The following KIF25 variants were observed in gnomAD, a reference collection of about 807,000 sequenced individuals.
KIF25 encodes the protein kinesin-like protein KIF25.
KIF25 carries 19 observed loss-of-function variants against 32.9 expected under a neutral mutation model. The ratio of observed to expected loss-of-function variants is 0.58; its 90% CI spans 0.40 to 0.85. The LOEUF is 0.85. KIF25 is among the 40% of genes least tolerant of loss of function. The pLI is 0.00. For synonymous variants in KIF25, 225 were observed against 213.7 expected (o/e 1.05, Z -0.46); for missense variants, 485 against 507.0 (o/e 0.96, Z 0.42).
intron 8 of KIF25, among the ~76,000 whole-genome samples, chr6:168,038,118 C>T (rs1799051576): frequency 6.6e-6 from 1 of 152,182 alleles, no homozygotes; most frequent in Non-Finnish European, 1.5e-5. Flanking sequence ...ACTGAAGCTT[C>T]CCTGAAGTGG....
At position 168,044,805 on chromosome 6, in the gene KIF25, ATGT is replaced by A. The variant is rs1562394722; in HGVS notation, c.986-17_986-15del. On this transcript the variant is annotated intron_variant, in intron 12 of 12. Coordinates refer to ENST00000643607, the MANE Select transcript of KIF25 (RefSeq NM_030615.4). Reference sequence around the variant, plus strand: ...GATGCTGCTCTTCTTTCCAGCTTGCATGTTGTTTTTCTATTTTAAAGGAGGCGA... The same window carrying A: ...GATGCTGCTCTTCTTTCCAGCTTGCATGTTTTTCTATTTTAAAGGAGGCGA... The A allele has an allele frequency of 1.9e-6, 3 of 1,563,008 alleles. No homozygotes were observed. Among genetic ancestry groups the A allele is most frequent in the South Asian group, 2.3e-5 (2 of 85,546 alleles).
chr6:168,013,096 G>A (rs567057906), intron 4 of KIF25, among the ~76,000 whole-genome samples: 1 of 152,140 alleles, frequency 6.6e-6, no homozygotes, highest in African/African-American at 2.4e-5. Context: ...GGGCAGGTGA[G>A]GAGCATGTCT....
intron 7 of KIF25, among the ~76,000 whole-genome samples, chr6:168,032,047 A>G (rs1391864175): frequency 1.3e-5 from 2 of 152,240 alleles, no homozygotes; most frequent in Non-Finnish European, 2.9e-5. Flanking sequence ...TATGGAGACT[A>G]AAGTTCTCAT....
At chr6:168,040,262 C>A (rs1454181930) in intron 10 of KIF25, 46 bp downstream of exon 10, 5 of 1,565,340 alleles carry the variant, frequency 3.2e-6, no homozygotes, top group South Asian at 1.2e-5. Context: ...ATAGAAAAAC[C>A]CACTTAAGAA....
intron 4 of KIF25, among the ~76,000 whole-genome samples, chr6:168,017,567 A>AT (rs1400494856): frequency 2.0e-5 from 3 of 152,052 alleles, no homozygotes; most frequent in East Asian, 1.9e-4. Flanking sequence ...CTGAGATGTG[A>AT]TTTTTTTGCC....
chr6:168,041,419 G>A (rs1001893934), intron 10 of KIF25, among the ~76,000 whole-genome samples: 8 of 152,186 alleles, frequency 5.3e-5, no homozygotes, highest in African/African-American at 1.7e-4. Context: ...ATACAGGGGC[G>A]GTGTGGCTGC....
intron 4 of KIF25, among the ~76,000 whole-genome samples, chr6:168,006,932 C>T (rs1798587752): frequency 1.3e-5 from 2 of 152,190 alleles, no homozygotes; most frequent in South Asian, 4.1e-4. Context: ...TAAAATTGCT[C>T]TTACTATGTC....
chr6:168,006,228 T>TGG (rs563918422), intron 4 of KIF25, among the ~76,000 whole-genome samples: 3 of 151,292 alleles, frequency 2.0e-5, no homozygotes, highest in Admixed American at 6.6e-5. Context: ...TTTTTAGCGA[T>TGG]GGGGGGGTCT....
chr6:168,044,693 C>T (rs905962795), intron 12 of KIF25, 134 bp from the exon 13 acceptor site: 16 of 866,346 alleles, frequency 1.8e-5, no homozygotes, highest in Middle Eastern at 3.7e-4. Flanking sequence ...ACCTGCCAGA[C>T]GTGGCCACTT....
At chr6:168,043,323 C>T (rs941993729) in intron 12 of KIF25, among the ~76,000 whole-genome samples, 4 of 152,166 alleles carry the variant, frequency 2.6e-5, no homozygotes, top group Non-Finnish European at 4.4e-5. Context: ...CAGGCAGAGT[C>T]CCCCAGAGGT....
In KIF25 at chr6:167,998,743, A is replaced by T. The variant is rs966241479; in HGVS notation, c.-726A>T. 1 of 152,202 alleles carries T rather than the reference A, an allele frequency of 6.6e-6. No individual in the cohort carries two copies. The highest frequency in any genetic ancestry group is 1.5e-5 in the Non-Finnish European group (1 of 68,042). The allele number at this position is 152,202 out of a possible 1,614,324, so 9.4% of individuals were successfully genotyped here. ...AAGTGAACACATTTGTGAAGTATGA[A>T]TCCAGAAGTTTAAAATAACTGTTCA... On this transcript the variant is annotated 5_prime_UTR_variant, in exon 1 of 13. Transcript: ENST00000643607.
chr6:168,038,137 T>C (rs541727210), intron 8 of KIF25, among the ~76,000 whole-genome samples: 1 of 152,318 alleles, frequency 6.6e-6, no homozygotes, highest in East Asian at 1.9e-4. Context: ...GGAAAAGTTT[T>C]AAAATAAACA....
At chr6:168,005,295 C>T (rs151036256) in intron 4 of KIF25, among the ~76,000 whole-genome samples, 20 of 152,220 alleles carry the variant, frequency 1.3e-4, no homozygotes, top group Admixed American at 2.6e-4. Context: ...GGCAGGTTGA[C>T]GGGGAAGAGC....
chr6:168,025,533 C>G (rs1583136817), intron 5 of KIF25, among the ~76,000 whole-genome samples: 2 of 152,036 alleles, frequency 1.3e-5, no homozygotes, highest in African/African-American at 2.4e-5. Context: ...GTGGTAGATA[C>G]ATTGTGGTAA....
rs1415377023 is a variant in KIF25 at position 168,031,693 on chromosome 6, GGCATCTTTTAAGTAA to G, written c.167+850_167+864del. Among the ~76,000 whole-genome samples the G allele has an allele frequency of 2.6e-5, 4 of 152,300 alleles. No individual in the cohort carries two copies. In the East Asian group the frequency reaches 7.7e-4, roughly 29 times the overall value. On this transcript the variant is annotated intron_variant, in intron 7 of 12. Coordinates refer to ENST00000643607, the MANE Select transcript of KIF25 (RefSeq NM_030615.4). Reference sequence around the variant, plus strand: ...TGATAGGGGAGTCTCTTTTTAAGTAGGCATCTTTTAAGTAAGCAGATTCCAGAAATAAAAAAGACA... The same window carrying G: ...TGATAGGGGAGTCTCTTTTTAAGTAGGCAGATTCCAGAAATAAAAAAGACA...
chr6:168,009,349 A>G (rs1182409414), intron 4 of KIF25, among the ~76,000 whole-genome samples: 1 of 151,946 alleles, frequency 6.6e-6, no homozygotes, highest in African/African-American at 2.4e-5. Context: ...TTTGTCCTTC[A>G]TTCTGTAGAT....
At chr6:168,042,276 G>A (rs1323812774) in intron 11 of KIF25, 125 bp downstream of exon 11, 41 of 1,043,544 alleles carry the variant, frequency 3.9e-5, no homozygotes, top group Non-Finnish European at 5.4e-5. Context: ...CCCTCCACAG[G>A]TGAGTTCCAA....
Position 168,025,231 on chromosome 6 carries a change from G to A in KIF25, c.-94-4261G>A, listed in dbSNP as rs115143989. Among the ~76,000 whole-genome samples the A allele has an allele frequency of 2.2e-3, 336 of 152,292 alleles. 1 individual carries two copies. Among genetic ancestry groups the A allele is most frequent in the African/African-American group, 7.9e-3 (328 of 41,566 alleles). On this transcript the variant is annotated intron_variant, in intron 5 of 12. Coordinates refer to ENST00000643607, the MANE Select transcript of KIF25 (RefSeq NM_030615.4). The stretch of plus-strand genomic sequence containing the variant: ...GGACGCTCACTGATGAAGGACCTGG[G>A]GGTGTGGCTGGGGAATGTCTCCTTC...
At chr6:168,014,611 A>C (rs1205170512) in intron 4 of KIF25, among the ~76,000 whole-genome samples, 1 of 152,202 alleles carries the variant, frequency 6.6e-6, no homozygotes, top group Non-Finnish European at 1.5e-5. Context: ...TATTTCCAAA[A>C]GTCTAAAGAG....
Sources: allele counts gnomAD v4.1 joint callset (sites outside exome capture counted in the v4.1 genomes callset), GRCh38; gene constraint gnomAD v4.1.1; transcripts MANE v1.5; gene names NCBI Gene and HGNC (gene_info 2026-07-23, HGNC 2026-07-21).